The following GRIA1 variants were observed in gnomAD, a reference collection of about 807,000 sequenced individuals.
GRIA1 encodes glutamate receptor 1.
A neutral mutation model predicts 99.2 loss-of-function variants in GRIA1; 31 were observed. The ratio of observed to expected loss-of-function variants is 0.31; its 90% CI spans 0.23 to 0.42. GRIA1 has a LOEUF of 0.42. Among genes scored for constraint, GRIA1 ranks in the 10% least tolerant of loss-of-function variants. The pLI, the probability that GRIA1 is intolerant of heterozygous loss-of-function variation, is 1.00. For synonymous variants in GRIA1, 438 were observed against 432.4 expected, an observed-to-expected ratio of 1.01 and a Z score of -0.16; for missense variants, 782 against 1,157.5, an observed-to-expected ratio of 0.68 and a Z score of 4.71.
intron 2 of GRIA1, among the ~76,000 whole-genome samples, chr5:153,615,658 T>A (rs1766427198): frequency 6.6e-6 from 1 of 152,124 alleles, no homozygotes; most frequent in African/African-American, 2.4e-5. Flanking sequence ...AAATTGTTGA[T>A]AAAATAAAAA....
intron 15 of GRIA1, among the ~76,000 whole-genome samples, chr5:153,807,115 T>C (rs778183303): frequency 6.6e-6 from 1 of 152,218 alleles, no homozygotes; most frequent in African/African-American, 2.4e-5. Context: ...TGACTGACTA[T>C]AGTATTTAAA....
At chr5:153,802,209 TA>T in intron 14 of GRIA1, 146 bp from the exon 15 acceptor site, 1 of 649,300 alleles carries the variant, frequency 1.5e-6, no homozygotes. Context: ...GGTCAATGAA[TA>T]AATAGCCTAT....
chr5:153,645,340 A>T (rs1754067771), intron 2 of GRIA1, among the ~76,000 whole-genome samples: 1 of 152,158 alleles, frequency 6.6e-6, no homozygotes, highest in Non-Finnish European at 1.5e-5. Context: ...TCTTTAAGAG[A>T]TTATGACCTT....
chr5:153,746,080 C>CAAGTT (rs527639576), intron 11 of GRIA1, among the ~76,000 whole-genome samples: 164 of 152,306 alleles, frequency 1.1e-3, no homozygotes, highest in African/African-American at 3.7e-3. Flanking sequence ...CAAAATCACA[C>CAAGTT]AAGTTAACAA....
chr5:153,692,364 C>T (rs913248759), intron 8 of GRIA1, among the ~76,000 whole-genome samples: 2 of 152,198 alleles, frequency 1.3e-5, no homozygotes, highest in Admixed American at 1.3e-4. Flanking sequence ...ATTCATCCCA[C>T]CACCTATTTT....
intron 12 of GRIA1, among the ~76,000 whole-genome samples, chr5:153,765,787 C>A (rs539056380): frequency 6.6e-6 from 1 of 152,348 alleles, no homozygotes. Context: ...ACACCCTACA[C>A]AAATTATCTC....
At chr5:153,629,834 TA>T (rs1196445784) in intron 2 of GRIA1, among the ~76,000 whole-genome samples, 1 of 152,244 alleles carries the variant, frequency 6.6e-6, no homozygotes, top group Non-Finnish European at 1.5e-5. Context: ...TAGTGGCTCA[TA>T]AGTGTGTCTT....
At chr5:153,759,569 T>G (rs1763045547) in intron 11 of GRIA1, among the ~76,000 whole-genome samples, 1 of 151,900 alleles carries the variant, frequency 6.6e-6, no homozygotes, top group African/African-American at 2.4e-5. Context: ...ATAAAAAGTC[T>G]CCCATCATAG....
At chr5:153,605,829 G>A (rs992885387) in intron 2 of GRIA1, among the ~76,000 whole-genome samples, 1 of 151,974 alleles carries the variant, frequency 6.6e-6, no homozygotes, top group Admixed American at 6.5e-5. Context: ...TTGATTTTAG[G>A]TATTCTAAAT....
intron 2 of GRIA1, among the ~76,000 whole-genome samples, chr5:153,593,142 C>T (rs770956269): frequency 2.0e-5 from 3 of 152,104 alleles, no homozygotes; most frequent in Non-Finnish European, 2.9e-5. Context: ...TAACACATGC[C>T]CGTAGTCGCA....
intron 2 of GRIA1, among the ~76,000 whole-genome samples, chr5:153,549,778 T>C (rs1759965078): frequency 6.6e-6 from 1 of 152,172 alleles, no homozygotes; most frequent in Non-Finnish European, 1.5e-5. Flanking sequence ...ACTGTTATGA[T>C]GCCCAGGGGA....
intron 2 of GRIA1, among the ~76,000 whole-genome samples, chr5:153,531,961 C>T (rs575480667): frequency 1.3e-5 from 2 of 152,146 alleles, no homozygotes; most frequent in Non-Finnish European, 2.9e-5. Flanking sequence ...AAAACCCATA[C>T]TTCCAGTCCA....
chr5:153,675,918 A>G (rs949264375), intron 6 of GRIA1, among the ~76,000 whole-genome samples: 2 of 150,272 alleles, frequency 1.3e-5, no homozygotes, highest in African/African-American at 2.5e-5. Context: ...GTGCAGTGGC[A>G]TGATCTCGGC....
intron 5 of GRIA1, among the ~76,000 whole-genome samples, chr5:153,656,383 T>TATATATATATATATATATATATATA (rs1754951606): frequency 8.6e-5 from 8 of 92,676 alleles, no homozygotes; most frequent in South Asian, 3.4e-4. Flanking sequence ...ATAAGTTTGT[T>TATATATATATATATATATATATATA]TATATATATA....
At chr5:153,598,729 G>A (rs1199604464) in intron 2 of GRIA1, among the ~76,000 whole-genome samples, 1 of 151,976 alleles carries the variant, frequency 6.6e-6, no homozygotes, top group East Asian at 1.9e-4. Flanking sequence ...TTATGATATG[G>A]TCCACTGAAA....
At chr5:153,708,054 C>G (rs1759042909) in intron 11 of GRIA1, among the ~76,000 whole-genome samples, 1 of 152,114 alleles carries the variant, frequency 6.6e-6, no homozygotes, top group Non-Finnish European at 1.5e-5. Context: ...TCCTTTATTT[C>G]CTTCATCAGT....
intron 11 of GRIA1, among the ~76,000 whole-genome samples, chr5:153,756,317 G>A (rs1346399311): frequency 1.3e-5 from 2 of 151,992 alleles, no homozygotes; most frequent in Non-Finnish European, 2.9e-5. Flanking sequence ...AAATTAGTTG[G>A]GAAGTACACA....
At chr5:153,555,304 T>C (rs1760526887) in intron 2 of GRIA1, among the ~76,000 whole-genome samples, 1 of 151,590 alleles carries the variant, frequency 6.6e-6, no homozygotes, top group South Asian at 2.1e-4. Flanking sequence ...TTGAAGGATG[T>C]CCACCATTGA....
chr5:153,769,059 T>TC (rs765421695), intron 12 of GRIA1, among the ~76,000 whole-genome samples: 4 of 152,142 alleles, frequency 2.6e-5, no homozygotes, highest in Non-Finnish European at 4.4e-5. Flanking sequence ...GGGAAGACAT[T>TC]CCCTCAGGTA....
Sources: allele counts gnomAD v4.1 joint callset (sites outside exome capture counted in the v4.1 genomes callset), GRCh38; gene constraint gnomAD v4.1.1; transcripts MANE v1.5; gene names NCBI Gene and HGNC (gene_info 2026-07-23, HGNC 2026-07-21).